STXBP5: variants seen among roughly 807,000 people sequenced by gnomAD.
The protein encoded by STXBP5 is syntaxin-binding protein 5.
In STXBP5, 50 loss-of-function variants were observed where a neutral mutation model predicts 152.4. The observed-to-expected ratio is 0.33, with a 90% CI of 0.26 to 0.42. The LOEUF (loss-of-function observed/expected upper bound fraction) is 0.42, where lower values mean the gene tolerates loss of function less well. STXBP5 is among the 10% of genes least tolerant of loss of function. The pLI, the probability that STXBP5 is intolerant of heterozygous loss-of-function variation, is 1.00. For missense variants in STXBP5, 1,167 were observed against 1,388.6 expected (o/e 0.84, Z 2.54); for synonymous variants, 492 against 494.7 (o/e 0.99, Z 0.07).
chr6:147,258,634 C>T (rs1393652584), intron 4 of STXBP5, among the ~76,000 whole-genome samples: 1 of 152,152 alleles, frequency 6.6e-6, no homozygotes, highest in Admixed American at 6.5e-5. Flanking sequence ...GGGGTTTCAC[C>T]GTGTTAGCCA....
At chr6:147,369,937 TAAAAG>T (rs1051386517) in intron 25 of STXBP5, among the ~76,000 whole-genome samples, 16 of 151,838 alleles carry the variant, frequency 1.1e-4, no homozygotes, top group African/African-American at 2.7e-4. Flanking sequence ...TTTTTTAAAT[TAAAAG>T]AAAAGGAAAT....
chr6:147,297,087 A>C (rs1781562942), intron 9 of STXBP5, among the ~76,000 whole-genome samples: 1 of 152,162 alleles, frequency 6.6e-6, no homozygotes, highest in Non-Finnish European at 1.5e-5. Flanking sequence ...AAGTTGGGAG[A>C]GATATGTATA....
chr6:147,314,434 A>G (rs1582930629), intron 13 of STXBP5, 103 bp downstream of exon 13: 3 of 1,288,180 alleles, frequency 2.3e-6, no homozygotes, highest in East Asian at 4.7e-5. Flanking sequence ...GCTTTCCTTT[A>G]TGTCGTAATA....
In STXBP5 at chr6:147,377,728, A is replaced by G. The variant is rs562378444; in HGVS notation, c.3193+3886A>G. The stretch of plus-strand genomic sequence containing the variant: ...GGACAATACCCTTTTTACCTCCCAA[A>G]GGCCCCCACTTCTGACATTACATTA... On this transcript the variant is annotated intron_variant, in intron 26 of 27. Coordinates refer to ENST00000321680, the MANE Select transcript of STXBP5 (RefSeq NM_001127715.4). Among the ~76,000 whole-genome samples, 273 of 152,212 alleles carry G rather than the reference A, an allele frequency of 1.8e-3. 1 individual carries two copies. The highest frequency in any genetic ancestry group is 6.0e-3 in the African/African-American group (248 of 41,546).
chr6:147,324,045 AT>A, intron 16 of STXBP5, among the ~76,000 whole-genome samples: 1 of 152,110 alleles, frequency 6.6e-6, no homozygotes, highest in Non-Finnish European at 1.5e-5. Flanking sequence ...CTGCAAGAGC[AT>A]TTTTTGTAGC....
At chr6:147,307,762 C>A (rs1298911127) in intron 9 of STXBP5, among the ~76,000 whole-genome samples, 4 of 152,102 alleles carry the variant, frequency 2.6e-5, no homozygotes, top group African/African-American at 9.7e-5. Flanking sequence ...GGTGACAGGT[C>A]AGTTGGCATT....
intron 2 of STXBP5, among the ~76,000 whole-genome samples, chr6:147,213,246 T>C (rs1247997363): frequency 6.6e-6 from 1 of 151,916 alleles, no homozygotes; most frequent in East Asian, 1.9e-4. Flanking sequence ...AAGAGGCAAT[T>C]ATTTACAAGA....
At chr6:147,300,872 A>G (rs1038062011) in intron 9 of STXBP5, among the ~76,000 whole-genome samples, 37 of 152,214 alleles carry the variant, frequency 2.4e-4, no homozygotes, top group African/African-American at 8.2e-4. Context: ...GAGACAGTCT[A>G]CAGAATGAGA....
At chr6:147,343,680 A>C (rs1206049724) in intron 21 of STXBP5, among the ~76,000 whole-genome samples, 7 of 152,262 alleles carry the variant, frequency 4.6e-5, no homozygotes, top group African/African-American at 1.4e-4. Flanking sequence ...ATTCTTTTGT[A>C]TCTACAAGTT....
chr6:147,252,392 G>A (rs1203870647), intron 4 of STXBP5, among the ~76,000 whole-genome samples: 2 of 152,050 alleles, frequency 1.3e-5, no homozygotes, highest in African/African-American at 4.8e-5. Context: ...TAAATGACCT[G>A]ATAGAGCTGA....
chr6:147,247,081 T>C (rs1183109976), intron 4 of STXBP5, among the ~76,000 whole-genome samples: 3 of 152,196 alleles, frequency 2.0e-5, no homozygotes, highest in Admixed American at 2.0e-4. Context: ...AGACATAACC[T>C]TAGACAGTTA....
rs79328871 is a variant in STXBP5, at chr6:147,328,203, G to A, written c.2080+927G>A. Among the ~76,000 whole-genome samples the A allele has an allele frequency of 3.0e-3, 452 of 152,204 alleles. 6 individuals are homozygous for A. In the East Asian group the frequency reaches 0.036, roughly 12 times the overall value. On this transcript the variant is annotated intron_variant, in intron 18 of 27. Transcript: ENST00000321680. Reference sequence around the variant, plus strand: ...ATTTCATGACACACACAAAAAGATGGCATTTGATATATGGCACACAGGGTA... The same window carrying A: ...ATTTCATGACACACACAAAAAGATGACATTTGATATATGGCACACAGGGTA...
At chr6:147,223,976 G>A (rs375508188) in intron 2 of STXBP5, among the ~76,000 whole-genome samples, 3 of 152,308 alleles carry the variant, frequency 2.0e-5, no homozygotes, top group East Asian at 3.9e-4. Flanking sequence ...TGGAGACAGG[G>A]CTGTGAAACT....
At chr6:147,341,584 G>C (rs1026397821) in intron 21 of STXBP5, among the ~76,000 whole-genome samples, 1 of 152,116 alleles carries the variant, frequency 6.6e-6, no homozygotes, top group African/African-American at 2.4e-5. Context: ...TTGTGTGGAA[G>C]GTGAGTAAAT....
chr6:147,259,123 A>T (rs1039662789), intron 4 of STXBP5, among the ~76,000 whole-genome samples: 3 of 152,164 alleles, frequency 2.0e-5, no homozygotes, highest in Non-Finnish European at 2.9e-5. Flanking sequence ...TTTTTAAAAA[A>T]ATATATGAGT....
chr6:147,281,986 A>C (rs573866433), intron 8 of STXBP5, among the ~76,000 whole-genome samples: 46 of 152,282 alleles, frequency 3.0e-4, no homozygotes, highest in African/African-American at 7.7e-4. Flanking sequence ...TGTTGTGAGG[A>C]TTGTATTTAC....
rs6926790 is a variant in STXBP5, at chr6:147,322,054, C to T, written c.1803-2905C>T. Among the ~76,000 whole-genome samples the T allele has an allele frequency of 7.9e-3, 1,196 of 152,186 alleles. 19 individuals carry two copies. Among genetic ancestry groups the T allele is most frequent in the African/African-American group, 0.026 (1,099 of 41,498 alleles). On this transcript the variant is annotated intron_variant, in intron 16 of 27. Coordinates refer to ENST00000321680, the MANE Select transcript of STXBP5 (RefSeq NM_001127715.4). ...TGGTCACTTAAATCTTAAATGTGCC[C>T]ATATATGTACTTCTAAAATTATCCC...
chr6:147,339,116 G>C, intron 19 of STXBP5, 63 bp from the exon 20 acceptor site: 1 of 1,359,978 alleles, frequency 7.4e-7, no homozygotes, highest in Non-Finnish European at 9.9e-7. Context: ...CATTTTTCTT[G>C]TTACAGCTCA....
At chr6:147,210,414 T>G (rs1206764117) in intron 2 of STXBP5, among the ~76,000 whole-genome samples, 1 of 152,206 alleles carries the variant, frequency 6.6e-6, no homozygotes, top group Admixed American at 6.5e-5. Flanking sequence ...TGGCTGGTCC[T>G]TGGTGATTTC....
Sources: gnomAD v4.1 joint callset for allele counts (sites outside exome capture counted in the v4.1 genomes callset) on GRCh38, gnomAD v4.1.1 for gene constraint, MANE v1.5 for transcripts, NCBI Gene and HGNC (gene_info 2026-07-23, HGNC 2026-07-21) for gene names.